Variants in TMEM232 observed in about 807,000 individuals in gnomAD.
TMEM232 encodes the protein transmembrane protein 232.
Under a neutral mutation model 78.8 loss-of-function variants are expected in TMEM232, and 80 were observed. That is an observed-to-expected ratio of 1.01 (90% confidence interval 0.85 to 1.22). TMEM232 has a LOEUF of 1.22. Among genes scored for constraint, TMEM232 ranks in the 50% most tolerant of loss-of-function variants. TMEM232 has a pLI of 0.00. For missense variants in TMEM232, 881 were observed against 742.2 expected (o/e 1.19, Z -2.17); for synonymous variants, 297 against 254.3 (o/e 1.17, Z -1.60).
intron 12 of TMEM232, among the ~76,000 whole-genome samples, chr5:110,457,744 A>T (rs1761053512): frequency 6.6e-6 from 1 of 152,106 alleles, no homozygotes; most frequent in South Asian, 2.1e-4. Flanking sequence ...AAGAGAAGGA[A>T]GTCACCTAAG....
At chr5:110,407,254 T>G (rs1256769209) in intron 2 of TMEM232, among the ~76,000 whole-genome samples, 2 of 151,968 alleles carry the variant, frequency 1.3e-5, no homozygotes, top group Non-Finnish European at 2.9e-5. Flanking sequence ...AAAGAATAGC[T>G]GAATGGATAA....
chr5:110,608,508 A>G (rs914138157), intron 8 of TMEM232, among the ~76,000 whole-genome samples: 2 of 151,958 alleles, frequency 1.3e-5, no homozygotes, highest in African/African-American at 4.8e-5. Flanking sequence ...TCCCCTGAAT[A>G]TATTTCATAA....
intron 1 of TMEM232, among the ~76,000 whole-genome samples, chr5:110,723,739 G>A (rs535258376): frequency 1.3e-5 from 2 of 152,246 alleles, no homozygotes; most frequent in African/African-American, 4.8e-5. Flanking sequence ...AAAGTCTCTG[G>A]CTAAAAAACA....
chr5:110,642,674 C>A (rs897139635), intron 2 of TMEM232, among the ~76,000 whole-genome samples: 44 of 152,026 alleles, frequency 2.9e-4, no homozygotes, highest in Non-Finnish European at 1.3e-4. Context: ...TAAAATCCAG[C>A]ACGGCTTCAA....
At chr5:110,406,265 T>TACACACAC (rs70999966) in intron 2 of TMEM232, among the ~76,000 whole-genome samples, 34,901 of 143,274 alleles carry the variant, frequency 0.24, 4,864 homozygotes, top group Non-Finnish European at 0.32. Context: ...CAGATATATA[T>TACACACAC]ACACACACAC....
chr5:110,718,792 G>A (rs1262762296), intron 1 of TMEM232, among the ~76,000 whole-genome samples: 2 of 151,174 alleles, frequency 1.3e-5, no homozygotes, highest in Non-Finnish European at 3.0e-5. Context: ...TTTTCATTTT[G>A]TTTCTTCTCT....
At chr5:110,560,511 T>A (rs564488589) in intron 11 of TMEM232, among the ~76,000 whole-genome samples, 12 of 152,230 alleles carry the variant, frequency 7.9e-5, no homozygotes, top group African/African-American at 2.4e-4. Flanking sequence ...CTGGAACAAT[T>A]TGAGCAATAG....
chr5:110,486,301 A>T (rs1165954955), intron 12 of TMEM232, among the ~76,000 whole-genome samples: 1 of 151,918 alleles, frequency 6.6e-6, no homozygotes, highest in Non-Finnish European at 1.5e-5. Flanking sequence ...TCCTTTTGCC[A>T]TGCAAAAGCT....
intron 11 of TMEM232, among the ~76,000 whole-genome samples, chr5:110,554,624 T>C (rs1774857992): frequency 6.6e-6 from 1 of 152,098 alleles, no homozygotes; most frequent in South Asian, 2.1e-4. Context: ...TCTTTTCCTG[T>C]TTGTTTTTGC....
At chr5:110,679,989 T>A (rs1323457957) in intron 1 of TMEM232, among the ~76,000 whole-genome samples, 1 of 152,156 alleles carries the variant, frequency 6.6e-6, no homozygotes, top group Non-Finnish European at 1.5e-5. Flanking sequence ...TAAAAAGTAA[T>A]CATATGTCTG....
intron 12 of TMEM232, among the ~76,000 whole-genome samples, chr5:110,498,953 T>G (rs774001676): frequency 2.6e-5 from 4 of 152,114 alleles, no homozygotes; most frequent in African/African-American, 4.8e-5. Context: ...GAATCCAAAG[T>G]CTCTACAATG....
chr5:110,483,893 A>C (rs1764182648), intron 12 of TMEM232, among the ~76,000 whole-genome samples: 1 of 152,230 alleles, frequency 6.6e-6, no homozygotes, highest in Admixed American at 6.5e-5. Context: ...ACAATAGCAA[A>C]GGCATGGAAT....
At chr5:110,548,181 T>C (rs1168655922) in intron 11 of TMEM232, among the ~76,000 whole-genome samples, 1 of 151,250 alleles carries the variant, frequency 6.6e-6, no homozygotes, top group Non-Finnish European at 1.5e-5. Flanking sequence ...CTTTTAAATA[T>C]GTGGGTAAGC....
chr5:110,635,253 T>C (rs918176559), intron 5 of TMEM232, among the ~76,000 whole-genome samples: 1 of 151,730 alleles, frequency 6.6e-6, no homozygotes, highest in Non-Finnish European at 1.5e-5. Flanking sequence ...TTCTACCAAA[T>C]AGATAATGAA....
Position 110,623,077 on chromosome 5 carries a change from C to T in TMEM232, c.768+2190G>A, listed in dbSNP as rs147030344. On this transcript the variant is annotated intron_variant, in intron 7 of 13. Coordinates refer to ENST00000455884, the MANE Select transcript of TMEM232 (RefSeq NM_001039763.4). ...GGACAGAGTGGAAAACTCAATCCAG[C>T]GTTCTGGCTCTGCTATCCAAAGAGC... Among the ~76,000 whole-genome samples the T allele has an allele frequency of 3.2e-3, 480 of 152,126 alleles. 2 individuals carry two copies. The highest frequency in any genetic ancestry group is 0.011 in the African/African-American group (455 of 41,492).
chr5:110,690,744 A>G (rs1283915381), intron 1 of TMEM232, among the ~76,000 whole-genome samples: 1 of 152,354 alleles, frequency 6.6e-6, no homozygotes, highest in Admixed American at 6.5e-5. Flanking sequence ...TCAATGATAG[A>G]CTGGATAAAG....
chr5:110,400,633 A>G (rs1318287855), intron 2 of TMEM232, among the ~76,000 whole-genome samples: 1 of 152,146 alleles, frequency 6.6e-6, no homozygotes, highest in East Asian at 1.9e-4. Context: ...CAAATTAATT[A>G]CGTTCATTGT....
At chr5:110,572,937 C>A (rs1465628436) in intron 10 of TMEM232, among the ~76,000 whole-genome samples, 1 of 152,042 alleles carries the variant, frequency 6.6e-6, no homozygotes, top group African/African-American at 2.4e-5. Flanking sequence ...CAACAAGGGA[C>A]CAAGCTGTAG....
chr5:110,643,702 T>C lies in TMEM232; in HGVS notation c.126-1331A>G, dbSNP rs1231896340. ...ATTTACTGAAATAGAATTTACTGAA[T>C]TTGTTGCTCTGTGAGATAAATAAAA... is the stretch of plus-strand genomic sequence containing the variant. On this transcript the variant is annotated intron_variant, in intron 2 of 13. Coordinates refer to ENST00000455884, the MANE Select transcript of TMEM232 (RefSeq NM_001039763.4). Among the ~76,000 whole-genome samples the C allele has an allele frequency of 2.0e-5, 3 of 151,966 alleles. No individual in the cohort carries two copies. In the South Asian group the frequency reaches 6.2e-4, roughly 31 times the overall value.
Sources: gnomAD v4.1 joint callset for allele counts (sites outside exome capture counted in the v4.1 genomes callset) on GRCh38, gnomAD v4.1.1 for gene constraint, MANE v1.5 for transcripts, NCBI Gene and HGNC (gene_info 2026-07-23, HGNC 2026-07-21) for gene names.